TANGO6: variants seen among roughly 807,000 people sequenced by gnomAD.
TANGO6 encodes transport and golgi organization 6 homolog, also known as transport and Golgi organization protein 6 homolog.
In TANGO6, 90 loss-of-function variants were observed where a neutral mutation model predicts 114.2. The observed-to-expected ratio is 0.79, with a 90% CI of 0.66 to 0.94. The LOEUF is 0.94. Among genes scored for constraint, TANGO6 ranks in the 40% least tolerant of loss-of-function variants. The probability of loss-of-function intolerance (pLI) is 0.00; values close to 1 mark genes in which losing one functional copy is unlikely to be tolerated. For synonymous variants in TANGO6, 477 were observed against 509.8 expected, an observed-to-expected ratio of 0.94 and a Z score of 0.87; for missense variants, 1,274 against 1,315.3, an observed-to-expected ratio of 0.97 and a Z score of 0.49.
intron 12 of TANGO6, among the ~76,000 whole-genome samples, chr16:68,920,006 C>A (rs1963068347): frequency 6.6e-6 from 1 of 152,200 alleles, no homozygotes; most frequent in African/African-American, 2.4e-5. Flanking sequence ...GAAATCGTGC[C>A]ATTGCACTCC....
intron 15 of TANGO6, among the ~76,000 whole-genome samples, chr16:68,977,398 T>C (rs1963775090): frequency 6.6e-6 from 1 of 151,512 alleles, no homozygotes; most frequent in Non-Finnish European, 1.5e-5. Flanking sequence ...TTTGTTTTTT[T>C]GAGATGGAGT....
intron 16 of TANGO6, chr16:69,035,362 C>G (rs1167864448): frequency 1.3e-5 from 2 of 152,168 alleles, no homozygotes; most frequent in Non-Finnish European, 1.5e-5. Context: ...GACAAGTTAG[C>G]AAACCAACTG....
chr16:68,970,195 A>T (rs774251643), intron 14 of TANGO6, among the ~76,000 whole-genome samples: 10 of 152,126 alleles, frequency 6.6e-5, no homozygotes, highest in Non-Finnish European at 1.0e-4. Flanking sequence ...TAAGAAAGGG[A>T]TATTTCTCCA....
intron 16 of TANGO6, among the ~76,000 whole-genome samples, chr16:69,036,856 C>T (rs1383253005): frequency 2.0e-5 from 3 of 151,732 alleles, no homozygotes; most frequent in Non-Finnish European, 4.4e-5. Context: ...CCAGCTACTC[C>T]GGAGGCCGAG....
intron 9 of TANGO6, among the ~76,000 whole-genome samples, chr16:68,907,099 ATTTT>A (rs546359676): frequency 8.7e-6 from 1 of 114,604 alleles, no homozygotes; most frequent in Non-Finnish European, 1.8e-5. Context: ...CCAGACCTTG[ATTTT>A]TTTTTTTTTT....
At chr16:68,955,938 G>A (rs1273139671) in intron 14 of TANGO6, among the ~76,000 whole-genome samples, 2 of 152,088 alleles carry the variant, frequency 1.3e-5, no homozygotes, top group Non-Finnish European at 2.9e-5. Flanking sequence ...ATTACCTGAG[G>A]TCAGGAGATC....
At chr16:68,942,671 T>C (rs1183949268) in intron 14 of TANGO6, among the ~76,000 whole-genome samples, 1 of 152,144 alleles carries the variant, frequency 6.6e-6, no homozygotes, top group Non-Finnish European at 1.5e-5. Context: ...TTTAGGCCAT[T>C]AAGATAAACA....
chr16:69,043,291 T>A (rs1959801932), intron 17 of TANGO6, among the ~76,000 whole-genome samples: 1 of 140,526 alleles, frequency 7.1e-6, no homozygotes, highest in Non-Finnish European at 1.5e-5. Context: ...CGAGTGTGTG[T>A]GTGTGTGTGT....
Position 69,013,810 on chromosome 16 carries a change from C to A in TANGO6, c.2843-9018C>A, listed in dbSNP as rs372238995. Reference sequence around the variant, plus strand: ...TAGCTACGACCACAGGCATGTGCCACCATGCCTAGCTAATTTTTTATATTT... The same window carrying A: ...TAGCTACGACCACAGGCATGTGCCAACATGCCTAGCTAATTTTTTATATTT... On this transcript the variant is annotated intron_variant, in intron 15 of 17. Coordinates refer to ENST00000261778, the MANE Select transcript of TANGO6 (RefSeq NM_024562.2). 4.6e-5 allele frequency among the ~76,000 whole-genome samples: 7 copies of A among 152,084 alleles called. No homozygotes were observed. In the East Asian group the frequency reaches 9.7e-4, roughly 21 times the overall value.
chr16:68,899,505 CT>C (rs753964803), intron 7 of TANGO6, among the ~76,000 whole-genome samples: 2,265 of 142,460 alleles, frequency 0.016, 18 homozygotes, highest in Non-Finnish European at 0.023. Flanking sequence ...TCCTCACACA[CT>C]TTTTTTTTTT....
At chr16:68,951,028 C>G (rs1449992267) in intron 14 of TANGO6, among the ~76,000 whole-genome samples, 2 of 151,402 alleles carry the variant, frequency 1.3e-5, no homozygotes, top group Non-Finnish European at 2.9e-5. Context: ...GGAAGATGTT[C>G]AAGAGTGGGG....
intron 15 of TANGO6, among the ~76,000 whole-genome samples, chr16:68,994,701 A>C (rs916192276): frequency 6.6e-6 from 1 of 151,684 alleles, no homozygotes; most frequent in African/African-American, 2.4e-5. Flanking sequence ...GAGCCTCCCA[A>C]GTAGCTGGGA....
intron 16 of TANGO6, chr16:69,033,659 G>A (rs1437340790): frequency 1.3e-5 from 2 of 152,258 alleles, no homozygotes; most frequent in Admixed American, 1.3e-4. Context: ...CCAAACTGGA[G>A]GATAACGCCA....
chr16:68,931,958 G>A (rs1597026121), intron 14 of TANGO6, among the ~76,000 whole-genome samples: 3 of 152,062 alleles, frequency 2.0e-5, no homozygotes, highest in South Asian at 2.1e-4. Flanking sequence ...GGGTTCAAGC[G>A]ATTCTTGTGT....
chr16:69,063,551 T>TG (rs1960160656), intron 17 of TANGO6, among the ~76,000 whole-genome samples: 1 of 121,672 alleles, frequency 8.2e-6, no homozygotes, highest in Non-Finnish European at 1.6e-5. Context: ...GCCAGTGTGG[T>TG]GGGGGGCACC....
chr16:68,947,605 T>C (rs1963428884), intron 14 of TANGO6, among the ~76,000 whole-genome samples: 1 of 147,552 alleles, frequency 6.8e-6, no homozygotes, highest in Admixed American at 6.7e-5. Flanking sequence ...TTTTTTTTTT[T>C]TTTTGAGACA....
chr16:68,877,742 G>A (rs1370239186), intron 5 of TANGO6, among the ~76,000 whole-genome samples: 1 of 151,744 alleles, frequency 6.6e-6, no homozygotes, highest in Non-Finnish European at 1.5e-5. Context: ...TGAGTAGCTG[G>A]GACTACAGGC....
At chr16:69,027,097 A>C (rs746555655) in intron 16 of TANGO6, among the ~76,000 whole-genome samples, 3 of 152,126 alleles carry the variant, frequency 2.0e-5, no homozygotes, top group Admixed American at 6.5e-5. Context: ...CCTGACCTCA[A>C]GTGATCTGCG....
chr16:68,878,194 C>T lies in TANGO6; in HGVS notation c.1208C>T (p.Thr403Ile). 1 of 1,613,444 alleles carries T rather than the reference C, an allele frequency of 6.2e-7. No individual in the cohort carries two copies. Residue 403 changes from threonine (T) to isoleucine (I), a missense_variant, in exon 6 of 18, where the codon ACT (threonine) becomes ATT (isoleucine). Physicochemically the swap from Thr to Ile is moderately conservative, Grantham distance 89. Transcript: ENST00000261778. ...AGAGTTGCCACCACTACCTTTATAA[C>T]TTTGTCAAGAGAACGCCCACATTTG... ...FQRVATTTFITLSRERPHLAA... is the reference protein window; with the variant it reads ...FQRVATTTFIILSRERPHLAA...
Sources: allele counts gnomAD v4.1 joint callset (sites outside exome capture counted in the v4.1 genomes callset), GRCh38; gene constraint gnomAD v4.1.1; transcripts MANE v1.5; gene names NCBI Gene and HGNC (gene_info 2026-07-23, HGNC 2026-07-21).